The following CCDC66 variants were observed in gnomAD, a reference collection of about 807,000 sequenced individuals.
The protein encoded by CCDC66 is coiled-coil domain containing 66, also known as coiled-coil domain-containing protein 66.
A neutral mutation model predicts 128.3 loss-of-function variants in CCDC66; 133 were observed. That is an observed-to-expected ratio of 1.04 (90% CI 0.90 to 1.20). The LOEUF is 1.20. Ranked by LOEUF, CCDC66 falls within the 50% of genes most tolerant of loss-of-function variation. CCDC66 has a pLI of 0.00. For missense variants in CCDC66, 1,126 were observed against 1,075.5 expected, an observed-to-expected ratio of 1.05 and a Z score of -0.66; for synonymous variants, 387 against 357.0, an observed-to-expected ratio of 1.08 and a Z score of -0.95.
chr3:56,612,015 A>C (rs925980410), intron 10 of CCDC66, among the ~76,000 whole-genome samples: 1 of 152,208 alleles, frequency 6.6e-6, no homozygotes, highest in African/African-American at 2.4e-5. Context: ...CAGTTGATCT[A>C]TAGCTAAAAT....
chr3:56,560,334 T>A (rs2064930401), intron 3 of CCDC66, among the ~76,000 whole-genome samples: 1 of 152,166 alleles, frequency 6.6e-6, no homozygotes, highest in African/African-American at 2.4e-5. Context: ...GCCTCCTGAG[T>A]AGCTGGGACC....
chr3:56,559,416 GA>G (rs1217380546), intron 2 of CCDC66, among the ~76,000 whole-genome samples, 152 bp from the exon 3 acceptor site: 1 of 152,018 alleles, frequency 6.6e-6, no homozygotes, highest in Admixed American at 6.6e-5. Flanking sequence ...AACTGGATTA[GA>G]AAAAAATACT....
At chr3:56,563,595 T>G (rs1577237821) in intron 3 of CCDC66, 89 bp from the exon 4 acceptor site, 2 of 1,066,738 alleles carry the variant, frequency 1.9e-6, no homozygotes, top group African/African-American at 1.6e-5. Flanking sequence ...GAAAAAAGTT[T>G]AGAGGACTGA....
intron 10 of CCDC66, among the ~76,000 whole-genome samples, chr3:56,607,712 G>T (rs1373703098): frequency 1.3e-5 from 2 of 152,128 alleles, no homozygotes; most frequent in Non-Finnish European, 2.9e-5. Flanking sequence ...TCCTTGTCTT[G>T]TTCCTGTTCT....
At chr3:56,606,364 C>G (rs73081878) in intron 10 of CCDC66, among the ~76,000 whole-genome samples, 1 of 152,056 alleles carries the variant, frequency 6.6e-6, no homozygotes, top group Non-Finnish European at 1.5e-5. Context: ...TCTGCACAAA[C>G]GGCCGCCCAG....
At chr3:56,618,507 T>C (rs937622750) in intron 15 of CCDC66, 20 of 299,480 alleles carry the variant, frequency 6.7e-5, no homozygotes, top group Middle Eastern at 8.3e-4. Context: ...GCATTCTGCT[T>C]TGGGAGGAGG....
At chr3:56,604,588 T>G (rs939716605) in intron 10 of CCDC66, among the ~76,000 whole-genome samples, 28 of 151,874 alleles carry the variant, frequency 1.8e-4, no homozygotes, top group African/African-American at 6.5e-4. Context: ...TTTTTTTTTT[T>G]AAGAATGTTG....
chr3:56,594,393 C>T (rs183670798), intron 10 of CCDC66, among the ~76,000 whole-genome samples: 46 of 151,472 alleles, frequency 3.0e-4, no homozygotes, highest in South Asian at 6.2e-4. Context: ...ACTAAGAAAT[C>T]TAATGCATAA....
At chr3:56,619,681 T>A in intron 16 of CCDC66, 96 bp from the exon 17 acceptor site, 1 of 1,506,076 alleles carries the variant, frequency 6.6e-7, no homozygotes, top group Non-Finnish European at 8.9e-7. Flanking sequence ...CTAGGATACA[T>A]ACTTATTATA....
At chr3:56,565,648 G>A (rs1162983331) in intron 4 of CCDC66, among the ~76,000 whole-genome samples, 1 of 147,770 alleles carries the variant, frequency 6.8e-6, no homozygotes, top group African/African-American at 2.5e-5. Context: ...ATGGAGTCTC[G>A]CTCCGTTGCC....
In CCDC66 at chr3:56,566,991, G is replaced by A. The variant is rs1320738737; in HGVS notation, c.752G>A (p.Gly251Glu). 3 of 1,614,154 alleles carry A rather than the reference G, an allele frequency of 1.9e-6. No individual in the cohort carries two copies. The highest frequency in any genetic ancestry group is 1.1e-5 in the South Asian group (1 of 91,074). Residue 251 changes from glycine (G) to glutamate (E), a missense_variant, in exon 6 of 18, where the codon GGG (glycine) becomes GAG (glutamate). By Grantham distance (98) the Gly-to-Glu change is moderately conservative. Transcript: ENST00000394672. ...WKPADIFSTL[G>E]ERECDRSSLE... is the part of the protein sequence containing the mutation. ...CCAGCTGATATATTCAGTACTCTGG[G>A]GGAAAGGGAATGTGATAGAAGTTCG...
intron 7 of CCDC66, 134 bp downstream of exon 7, chr3:56,571,436 C>CA: frequency 9.0e-6 from 5 of 554,884 alleles, no homozygotes; most frequent in Non-Finnish European, 1.5e-5. Context: ...GGCTGGAATG[C>CA]AGTGGCACAG....
At chr3:56,596,573 A>G (rs2071966851) in intron 10 of CCDC66, among the ~76,000 whole-genome samples, 1 of 147,168 alleles carries the variant, frequency 6.8e-6, no homozygotes, top group Non-Finnish European at 1.5e-5. Context: ...CACTCTGGTT[A>G]TTGTTTCCTT....
Position 56,597,777 on chromosome 3 carries a change from G to GTTTTTTTTTTT in CCDC66, c.1404+3754_1404+3764dup, listed in dbSNP as rs3064563. Among the ~76,000 whole-genome samples the GTTTTTTTTTTT allele has an allele frequency of 1.9e-3, 164 of 87,954 alleles. 32 individuals are homozygous for GTTTTTTTTTTT. In the South Asian group the frequency reaches 0.05, roughly 27 times the overall value. 57.7% of individuals were successfully genotyped at this position (87,954 alleles called of 152,430 possible). On this transcript the variant is annotated intron_variant, in intron 10 of 17. Transcript: ENST00000394672. The stretch of plus-strand genomic sequence containing the variant: ...TGTGGAGTCTAGGTTTTGTTTTGGG[G>GTTTTTTTTTTT]TTTTTTTTTTTTTTTGAGACAGAGC...
At chr3:56,570,669 A>C (rs1489254863) in intron 6 of CCDC66, 1 of 59,490 alleles carries the variant, frequency 1.7e-5, no homozygotes, top group South Asian at 3.2e-4. Flanking sequence ...AATCGCTTGA[A>C]CCTGGGAGGC....
intron 17 of CCDC66, 102 bp from the exon 18 acceptor site, chr3:56,621,430 C>A: frequency 3.7e-6 from 3 of 807,520 alleles, no homozygotes; most frequent in Non-Finnish European, 5.6e-6. Context: ...AAATTTTATC[C>A]TAAGCGATAT....
intron 8 of CCDC66, 94 bp downstream of exon 8, chr3:56,593,195 C>G (rs1254193809): frequency 2.0e-5 from 20 of 1,024,874 alleles, no homozygotes; most frequent in Non-Finnish European, 2.6e-5. Flanking sequence ...CTTGACAAGA[C>G]CAGAATATTC....
intron 10 of CCDC66, among the ~76,000 whole-genome samples, chr3:56,597,379 C>T (rs769576724): frequency 8.6e-5 from 13 of 151,998 alleles, no homozygotes; most frequent in South Asian, 4.1e-4. Flanking sequence ...TTGGTTATTA[C>T]GGCTCTTTTT....
At chr3:56,576,955 C>G (rs2067480842) in intron 7 of CCDC66, among the ~76,000 whole-genome samples, 1 of 151,804 alleles carries the variant, frequency 6.6e-6, no homozygotes, top group South Asian at 2.1e-4. Context: ...ATGGCTGGGT[C>G]AAATAGTATT....
Sources: gnomAD v4.1 joint callset for allele counts (sites outside exome capture counted in the v4.1 genomes callset) on GRCh38, gnomAD v4.1.1 for gene constraint, MANE v1.5 for transcripts, NCBI Gene and HGNC (gene_info 2026-07-23, HGNC 2026-07-21) for gene names.